The following FANCL variants were observed in gnomAD, a reference collection of about 807,000 sequenced individuals.
The protein encoded by FANCL is FA complementation group L.
In FANCL, 69 loss-of-function variants were observed where a neutral mutation model predicts 59.4. The ratio of observed to expected loss-of-function variants is 1.16; its 90% confidence interval spans 0.96 to 1.42. The LOEUF (loss-of-function observed/expected upper bound fraction) is 1.42, where lower values mean the gene tolerates loss of function less well. Among genes scored for constraint, FANCL ranks in the 40% most tolerant of loss-of-function variants. The probability of loss-of-function intolerance (pLI) is 0.00; values close to 1 mark genes in which losing one functional copy is unlikely to be tolerated. For missense variants in FANCL, 519 were observed against 447.2 expected, an observed-to-expected ratio of 1.16 and a Z score of -1.45; for synonymous variants, 180 against 147.1, an observed-to-expected ratio of 1.22 and a Z score of -1.62.
At position 58,219,492 on chromosome 2, in the gene FANCL, A is replaced by AG. The variant is rs532352178; in HGVS notation, c.374+2449_374+2450insC. On this transcript the variant is annotated intron_variant, in intron 5 of 13. Coordinates refer to ENST00000233741, the MANE Select transcript of FANCL (RefSeq NM_018062.4). The stretch of plus-strand genomic sequence containing the variant: ...CCTGAAGTGTGAGCTACATATAGTG[A>AG]CTTCCAAAGAGTAAAGTGTGGAGAG... 3.6e-3 allele frequency among the ~76,000 whole-genome samples: 543 copies of AG among 151,960 alleles called. 2 individuals are homozygous for AG. Among genetic ancestry groups the AG allele is most frequent in the Non-Finnish European group, 5.7e-3 (384 of 67,948 alleles).
chr2:58,188,219 T>C (rs1282594240), intron 7 of FANCL, among the ~76,000 whole-genome samples: 1 of 152,178 alleles, frequency 6.6e-6, no homozygotes, highest in Non-Finnish European at 1.5e-5. Context: ...TGTCTGTATA[T>C]GTATGGGTAT....
chr2:58,159,818 A>T lies in FANCL; in HGVS notation c.1093-18T>A. The stretch of plus-strand genomic sequence containing the variant: ...GTAATTGGCTTTAAAAAGAGAACAT[A>T]TTTTAACAAAGTTTGTGGACACTCT... On this transcript the variant is annotated intron_variant, in intron 13 of 13. Coordinates refer to ENST00000233741, the MANE Select transcript of FANCL (RefSeq NM_018062.4). 6.2e-7 allele frequency: 1 copy of T among 1,611,888 alleles called. No homozygotes were observed. Among genetic ancestry groups the T allele is most frequent in the South Asian group, 1.1e-5 (1 of 90,832 alleles).
chr2:58,201,751 A>T (rs1690044983), intron 6 of FANCL, among the ~76,000 whole-genome samples: 1 of 151,984 alleles, frequency 6.6e-6, no homozygotes, highest in East Asian at 1.9e-4. Context: ...TATTATTTAC[A>T]TATTTACTTT....
chr2:58,227,686 G>A (rs1693159731), intron 3 of FANCL, among the ~76,000 whole-genome samples: 1 of 152,104 alleles, frequency 6.6e-6, no homozygotes, highest in Admixed American at 6.5e-5. Context: ...TGCCTGCTAG[G>A]GTCTCGGGTT....
chr2:58,206,000 G>A (rs1286111508), intron 5 of FANCL, among the ~76,000 whole-genome samples: 1 of 152,068 alleles, frequency 6.6e-6, no homozygotes, highest in African/African-American at 2.4e-5. Flanking sequence ...AATACGCAAT[G>A]CTAAAAGACT....
chr2:58,225,351 G>C (rs2103813124), intron 4 of FANCL, among the ~76,000 whole-genome samples: 1 of 152,024 alleles, frequency 6.6e-6, no homozygotes, highest in African/African-American at 2.4e-5. Flanking sequence ...AGTATAAGCT[G>C]TACCTCAAAT....
chr2:58,159,246 A>C (rs1684644312), downstream of FANCL: 2 of 871,414 alleles, frequency 2.3e-6, no homozygotes, highest in Non-Finnish European at 3.4e-6. Flanking sequence ...CAAAAACTTG[A>C]TCTTGTATAA....
At chr2:58,172,525 A>G (rs1056254142) in intron 7 of FANCL, among the ~76,000 whole-genome samples, 2 of 152,208 alleles carry the variant, frequency 1.3e-5, no homozygotes, top group East Asian at 3.8e-4. Flanking sequence ...ACTCCAACAG[A>G]CCTGCAGCTG....
At position 58,221,922 on chromosome 2, in the gene FANCL, A is replaced by G. The variant is rs760167123; in HGVS notation, c.374+20T>C. ...TATATAAAACAAAGGCATTTAAAAC[A>G]TATTTTAAAACAGACATACTTATCC... On this transcript the variant is annotated intron_variant, in intron 5 of 13. Transcript: ENST00000233741. The G allele has an allele frequency of 6.5e-7, 1 of 1,528,700 alleles. No homozygotes were observed. Among genetic ancestry groups the G allele is most frequent in the Non-Finnish European group, 9.1e-7 (1 of 1,102,952 alleles). 94.7% of individuals were successfully genotyped at this position (1,528,700 alleles called of 1,614,324 possible).
At chr2:58,169,731 C>A (rs1193441771) in intron 7 of FANCL, among the ~76,000 whole-genome samples, 5 of 151,762 alleles carry the variant, frequency 3.3e-5, no homozygotes, top group African/African-American at 7.3e-5. Context: ...AGCTGAAAAA[C>A]ACAGCACGAG....
intron 1 of FANCL, among the ~76,000 whole-genome samples, chr2:58,232,780 G>A (rs1014474470): frequency 6.6e-5 from 10 of 151,978 alleles, no homozygotes; most frequent in African/African-American, 2.2e-4. Flanking sequence ...TTACTTTCTT[G>A]GAAAAGTGAA....
At chr2:58,200,103 G>GAA (rs777055093) in intron 6 of FANCL, among the ~76,000 whole-genome samples, 14 of 129,394 alleles carry the variant, frequency 1.1e-4, no homozygotes, top group South Asian at 4.9e-4. Flanking sequence ...TCTACTTCTG[G>GAA]AAAAAAAAAA....
chr2:58,231,735 G>C (rs187063453), intron 2 of FANCL, among the ~76,000 whole-genome samples: 11 of 151,936 alleles, frequency 7.2e-5, no homozygotes, highest in South Asian at 2.1e-4. Context: ...GTCAAAAGTT[G>C]GAAAAAAAGT....
chr2:58,163,380 T>C, intron 9 of FANCL, 54 bp downstream of exon 9: 3 of 1,158,978 alleles, frequency 2.6e-6, no homozygotes, highest in Non-Finnish European at 2.6e-6. Flanking sequence ...TTAACAATGC[T>C]AGGCAAGGAT....
chr2:58,193,827 A>T (rs1305945240), intron 7 of FANCL, among the ~76,000 whole-genome samples: 1 of 152,168 alleles, frequency 6.6e-6, no homozygotes, highest in Non-Finnish European at 1.5e-5. Context: ...ATCCATGAAA[A>T]GAAAAAAGGT....
intron 7 of FANCL, among the ~76,000 whole-genome samples, chr2:58,191,323 G>A (rs559943049): frequency 6.6e-6 from 1 of 151,772 alleles, no homozygotes; most frequent in Non-Finnish European, 1.5e-5. Context: ...GTCATTTGGA[G>A]ACTGATACTC....
At position 58,159,710 on chromosome 2, in the gene FANCL, C is replaced by T. The variant is rs1313033969; in HGVS notation, c.*55G>A. The T allele has an allele frequency of 7.4e-6, 12 of 1,611,510 alleles. No individual in the cohort carries two copies. Among genetic ancestry groups the T allele is most frequent in the Non-Finnish European group, 1.7e-6 (2 of 1,178,982 alleles). ...TTTCTCTGAAGATGATACCAAAATT[C>T]CTTTTGATAATTTTTTAAGTTTCCA... On this transcript the variant is annotated 3_prime_UTR_variant, in exon 14 of 14. Transcript: ENST00000233741.
intron 2 of FANCL, among the ~76,000 whole-genome samples, chr2:58,231,621 T>C (rs574454569): frequency 1.3e-5 from 2 of 152,310 alleles, no homozygotes; most frequent in African/African-American, 2.4e-5. Flanking sequence ...TCTCATATCC[T>C]GACTAGTTGT....
chr2:58,184,873 G>A (rs1389559887), intron 7 of FANCL, among the ~76,000 whole-genome samples: 1 of 152,050 alleles, frequency 6.6e-6, no homozygotes, highest in African/African-American at 2.4e-5. Context: ...AAAACAAGGT[G>A]AGAATAAATA....
Sources: gnomAD v4.1 joint callset for allele counts (sites outside exome capture counted in the v4.1 genomes callset) on GRCh38, gnomAD v4.1.1 for gene constraint, MANE v1.5 for transcripts, NCBI Gene and HGNC (gene_info 2026-07-23, HGNC 2026-07-21) for gene names.